The following ARHGAP5 variants were observed in gnomAD, a reference collection of about 807,000 sequenced individuals.
ARHGAP5 encodes Rho GTPase activating protein 5, also known as rho GTPase-activating protein 5.
A neutral mutation model predicts 116.6 loss-of-function variants in ARHGAP5; 23 were observed. That is an observed-to-expected ratio of 0.20 (90% confidence interval 0.14 to 0.28). The LOEUF (loss-of-function observed/expected upper bound fraction) is 0.28. Among genes scored for constraint, ARHGAP5 ranks in the 10% least tolerant of loss-of-function variants. The pLI is 1.00. For synonymous variants in ARHGAP5, 574 were observed against 602.0 expected, an observed-to-expected ratio of 0.95 and a Z score of 0.68; for missense variants, 1,405 against 1,774.8, an observed-to-expected ratio of 0.79 and a Z score of 3.74.
intron 2 of ARHGAP5, among the ~76,000 whole-genome samples, chr14:32,098,874 A>G (rs1878656771): frequency 6.6e-6 from 1 of 152,164 alleles, no homozygotes; most frequent in African/African-American, 2.4e-5. Context: ...TATTTAGCCT[A>G]AGAGTAATTT....
At chr14:32,132,598 T>C (rs1389848909) in intron 3 of ARHGAP5, among the ~76,000 whole-genome samples, 8 of 152,332 alleles carry the variant, frequency 5.3e-5, no homozygotes, top group Middle Eastern at 3.4e-3. Context: ...AATTAGATCC[T>C]ATTTGTCAAT....
chr14:32,154,580 G>C, intron 6 of ARHGAP5, 41 bp from the exon 7 acceptor site: 1 of 1,415,752 alleles, frequency 7.1e-7, no homozygotes, highest in Non-Finnish European at 9.7e-7. Flanking sequence ...TGATTGTAAT[G>C]AGTTTTGATT....
At chr14:32,144,190 G>A (rs1352902590) in intron 3 of ARHGAP5, among the ~76,000 whole-genome samples, 1 of 152,102 alleles carries the variant, frequency 6.6e-6, no homozygotes, top group Non-Finnish European at 1.5e-5. Flanking sequence ...TTTCAACTGG[G>A]ATATATAGAT....
chr14:32,078,864 C>T (rs1331402067), intron 1 of ARHGAP5, among the ~76,000 whole-genome samples: 6 of 152,122 alleles, frequency 3.9e-5, no homozygotes, highest in Admixed American at 3.3e-4. Context: ...TACTGTAATA[C>T]GATAAAACGG....
intron 4 of ARHGAP5, among the ~76,000 whole-genome samples, chr14:32,148,162 A>AAATC (rs1249551920): frequency 4.2e-4 from 45 of 106,360 alleles, no homozygotes; most frequent in East Asian, 4.0e-3. Context: ...CAAAAAAAAG[A>AAATC]AATCTATCTA....
At position 32,092,063 on chromosome 14, in the gene ARHGAP5, A is replaced by G. The variant is rs769098844; in HGVS notation, c.1394A>G (p.Tyr465Cys). Residue 465 changes from tyrosine to cysteine, a missense_variant, in exon 2 of 7, where the codon TAT becomes TGT. Tyr to Cys is a radical substitution (Grantham distance 194). This residue lies in a region of ARHGAP5 where 944 missense variants were observed against 1,095.3 expected (regional missense o/e 0.86). Transcript: ENST00000345122. The surrounding 1 kb of genome is among the most constrained non-coding windows in gnomAD (Gnocchi z 4.1). ...CFVMEDEAYK[Y>C]ITEADSKEVY... ...GTTATGGAGGATGAAGCCTACAAATATATCACTGAGGCTGATAGCAAAGAG... is the reference window on the plus strand; with the variant it reads ...GTTATGGAGGATGAAGCCTACAAATGTATCACTGAGGCTGATAGCAAAGAG... 5.6e-6 allele frequency: 9 copies of G among 1,613,872 alleles called. No homozygotes were observed. The highest frequency in any genetic ancestry group is 2.2e-5 in the East Asian group (1 of 44,880).
chr14:32,079,530 G>T (rs762238822), intron 1 of ARHGAP5, among the ~76,000 whole-genome samples: 3 of 152,096 alleles, frequency 2.0e-5, no homozygotes, highest in Non-Finnish European at 2.9e-5. Flanking sequence ...CATTTTTTTG[G>T]AGAGTTATTT....
rs778571310 is a variant in ARHGAP5 at position 32,093,688 on chromosome 14, C to T, written c.3019C>T (p.Arg1007Cys). Residue 1007 changes from arginine to cysteine, a missense_variant, in exon 2 of 7, where the codon CGT becomes TGT. Around this residue, in one of 6 missense-constraint regions of ARHGAP5, gnomAD observed 944 missense variants for 1,095.3 expected, o/e 0.86. Transcript: ENST00000345122. ...DVQLLPTPSDRSRYRLDLEGN... is the reference protein window; with the variant it reads ...DVQLLPTPSDCSRYRLDLEGN... ...ACAGTTGCTTCCAACACCTAGTGAC[C>T]GTTCCAGATATAGATTAGATTTGGA... The T allele has an allele frequency of 5.0e-6, 8 of 1,613,880 alleles. No individual in the cohort carries two copies. The highest frequency in any genetic ancestry group is 2.7e-5 in the African/African-American group (2 of 74,880).
chr14:32,152,139 T>G (rs1460990464), intron 5 of ARHGAP5, among the ~76,000 whole-genome samples: 1 of 152,136 alleles, frequency 6.6e-6, no homozygotes, highest in African/African-American at 2.4e-5. Context: ...GGGATCTAGG[T>G]TGTGCACGTC....
Position 32,157,576 on chromosome 14 carries a change from A to C in ARHGAP5, c.*2628A>C, listed in dbSNP as rs1881947243. The C allele has an allele frequency of 6.6e-6, 1 of 152,270 alleles. No individual in the cohort carries two copies. Among genetic ancestry groups the C allele is most frequent in the Non-Finnish European group, 1.5e-5 (1 of 67,738 alleles). 9.4% of individuals were successfully genotyped at this position (152,270 alleles called of 1,614,324 possible). On this transcript the variant is annotated 3_prime_UTR_variant, in exon 7 of 7. Transcript: ENST00000345122. The stretch of plus-strand genomic sequence containing the variant: ...GAAGCATAGTGGTACTCTGTTTCAC[A>C]CTTTCAGTAGATTTATTAGAAGTCA...
chr14:32,090,605 T>G lies in ARHGAP5; in HGVS notation c.-65T>G. 1 of 1,398,090 alleles carries G rather than the reference T, an allele frequency of 7.2e-7. No individual in the cohort carries two copies. Among genetic ancestry groups the G allele is most frequent in the Non-Finnish European group, 9.7e-7 (1 of 1,031,392 alleles). The allele number at this position is 1,398,090 out of a possible 1,614,324, so 86.6% of individuals were successfully genotyped here. A position where few individuals can be genotyped will look rare whatever the true frequency, so the allele number is the denominator to read the frequency against. ...TTTGGGATCTGTATTTTGAGATGATTTTATTTTCAGAATGAGAAGCATATC... is the reference window on the plus strand; with the variant it reads ...TTTGGGATCTGTATTTTGAGATGATGTTATTTTCAGAATGAGAAGCATATC... On this transcript the variant is annotated 5_prime_UTR_variant, in exon 2 of 7. In the 5' UTR this introduces an upstream ATG that the reference lacks. Transcript: ENST00000345122.
In ARHGAP5 at chr14:32,157,473, C is replaced by T. The variant is rs1881940755; in HGVS notation, c.*2525C>T. 2 of 152,130 alleles carry T rather than the reference C, an allele frequency of 1.3e-5. No homozygotes were observed. Among genetic ancestry groups the T allele is most frequent in the South Asian group, 4.1e-4 (2 of 4,820 alleles). 9.4% of individuals were successfully genotyped at this position (152,130 alleles called of 1,614,324 possible). On this transcript the variant is annotated 3_prime_UTR_variant, in exon 7 of 7. Coordinates refer to ENST00000345122, the MANE Select transcript of ARHGAP5 (RefSeq NM_001030055.2). Reference sequence around the variant, plus strand: ...TAAAATTTCATCTACACACATGTTGCCATTGTTTCATTTAAGGTTCAGTGC... The same window carrying T: ...TAAAATTTCATCTACACACATGTTGTCATTGTTTCATTTAAGGTTCAGTGC...
Position 32,130,527 on chromosome 14 carries a change from TTGA to T in ARHGAP5, c.3865+13242_3865+13244del, listed in dbSNP as rs541177807. ...GTGAACCACCATGCCCAACCTGGCA[TTGA>T]TTGATTGATTGATTGATTGATTGAT... On this transcript the variant is annotated intron_variant, in intron 3 of 6. Transcript: ENST00000345122. 5.3e-3 allele frequency among the ~76,000 whole-genome samples: 769 copies of T among 144,454 alleles called. 10 individuals carry two copies. The highest frequency in any genetic ancestry group is 0.021 in the African/African-American group (743 of 35,462). The allele number at this position is 144,454 out of a possible 152,430, so 94.8% of individuals were successfully genotyped here.
intron 3 of ARHGAP5, among the ~76,000 whole-genome samples, chr14:32,117,606 G>A (rs1180634421): frequency 6.6e-6 from 1 of 152,166 alleles, no homozygotes; most frequent in Non-Finnish European, 1.5e-5. Flanking sequence ...GGTTTGAATA[G>A]TGTGGAAGTT....
Position 32,138,449 on chromosome 14 carries a change from AGT to A in ARHGAP5, c.3866-7813_3866-7812del, listed in dbSNP as rs1376463703. The stretch of plus-strand genomic sequence containing the variant: ...CAGGTGGGTGCCACTGCACCTGGCT[AGT>A]TTTTATATTTTTAGTAGCGATGGGG... On this transcript the variant is annotated intron_variant, in intron 3 of 6. Transcript: ENST00000345122. Among the ~76,000 whole-genome samples, 5 of 152,112 alleles carry A rather than the reference AGT, an allele frequency of 3.3e-5. No individual in the cohort carries two copies. In the East Asian group the frequency reaches 9.7e-4, roughly 30 times the overall value.
rs1362394903 is a variant in ARHGAP5, at chr14:32,094,190, A to G, written c.3521A>G (p.Asp1174Gly). Residue 1174 changes from aspartate to glycine, a missense_variant, in exon 2 of 7, where the codon GAT becomes GGT. Around this residue, in one of 6 missense-constraint regions of ARHGAP5, gnomAD observed 944 missense variants for 1,095.3 expected, o/e 0.86. Coordinates refer to ENST00000345122, the MANE Select transcript of ARHGAP5 (RefSeq NM_001030055.2). ...TCATACTATAGAAGAACACATTCAG[A>G]TGCCAGTGATGATGAGGCTTTCACC... ...AKSYYRRTHS[D>G]ASDDEAFTTS... is the part of the protein sequence containing the mutation. The G allele has an allele frequency of 1.2e-6, 2 of 1,612,436 alleles. No individual in the cohort carries two copies. The highest frequency in any genetic ancestry group is 1.7e-6 in the Non-Finnish European group (2 of 1,179,712).
chr14:32,094,629 T>C (rs144942208), intron 2 of ARHGAP5, among the ~76,000 whole-genome samples: 8 of 152,324 alleles, frequency 5.3e-5, no homozygotes, highest in Middle Eastern at 3.4e-3. Context: ...TTTTTCTTTT[T>C]ACAGAAACCC....
intron 3 of ARHGAP5, among the ~76,000 whole-genome samples, chr14:32,119,730 G>A (rs1268711581): frequency 1.3e-5 from 2 of 152,032 alleles, no homozygotes; most frequent in African/African-American, 2.4e-5. Flanking sequence ...ATTTTGTCAC[G>A]TGGTTTTCTG....
intron 2 of ARHGAP5, among the ~76,000 whole-genome samples, chr14:32,106,168 C>T (rs946700420): frequency 1.2e-4 from 19 of 152,160 alleles, no homozygotes; most frequent in African/African-American, 4.1e-4. Flanking sequence ...GTTGCCCAGG[C>T]TACAGTGCAG....
Sources: gnomAD v4.1 joint callset for allele counts (sites outside exome capture counted in the v4.1 genomes callset) on GRCh38, gnomAD v4.1.1 for gene constraint, gnomAD v4.1.1 regional missense constraint, Gnocchi (gnomAD v3.1) non-coding constraint, MANE v1.5 for transcripts, NCBI Gene and HGNC (gene_info 2026-07-23, HGNC 2026-07-21) for gene names.